MAF: variants seen among roughly 807,000 people sequenced by gnomAD.
MAF encodes transcription factor Maf.
Under a neutral mutation model 22.0 loss-of-function variants are expected in MAF, and 10 were observed. The ratio of observed to expected loss-of-function variants is 0.45; its 90% CI spans 0.28 to 0.77. The LOEUF (loss-of-function observed/expected upper bound fraction) is 0.77, where lower values mean the gene tolerates loss of function less well. Among genes scored for constraint, MAF ranks in the 30% least tolerant of loss-of-function variants. The pLI is 0.12. For synonymous variants in MAF, 337 were observed against 255.8 expected (o/e 1.32, Z -3.03); for missense variants, 544 against 548.4 (o/e 0.99, Z 0.08).
the MAF span, among the ~76,000 whole-genome samples, chr16:79,414,827 C>T: frequency 6.6e-5 from 10 of 152,290 alleles, no homozygotes; most frequent in South Asian, 1.7e-3. Context: ...TGCACATGCA[C>T]GTGATATCCA....
the MAF span, among the ~76,000 whole-genome samples, chr16:79,408,094 A>AAAC: frequency 1.9e-4 from 28 of 151,046 alleles, 2 homozygotes; most frequent in African/African-American, 6.8e-4. Context: ...AAAAAAAAAA[A>AAAC]AAAAAACCTA....
the MAF span, chr16:79,211,869 C>G: frequency 6.3e-7 from 1 of 1,595,642 alleles, no homozygotes; most frequent in South Asian, 1.1e-5. Flanking sequence ...AGGGCTGGGC[C>G]CCTTCCAAAT....
the MAF span, among the ~76,000 whole-genome samples, chr16:79,267,075 C>T: frequency 6.6e-6 from 1 of 152,178 alleles, no homozygotes; most frequent in Admixed American, 6.5e-5. Context: ...GTAATAATTG[C>T]TTATGCATGT....
the MAF span, among the ~76,000 whole-genome samples, chr16:79,209,461 G>A: frequency 2.0e-5 from 3 of 152,186 alleles, no homozygotes; most frequent in African/African-American, 7.2e-5. Flanking sequence ...ACAGTGAAAG[G>A]CCAGTCTGTC....
chr16:79,535,224 T>G, the MAF span, among the ~76,000 whole-genome samples: 1 of 152,136 alleles, frequency 6.6e-6, no homozygotes, highest in Non-Finnish European at 1.5e-5. Flanking sequence ...TAGAGACAGA[T>G]GTAGACATTG....
the MAF span, among the ~76,000 whole-genome samples, chr16:79,503,999 AG>A: frequency 1.0e-3 from 152 of 152,346 alleles, no homozygotes; most frequent in Admixed American, 3.5e-3. Context: ...GCAGGGGCTC[AG>A]TAAATATCCC....
In MAF at chr16:79,600,026, G is replaced by C. The variant is rs1325923327; in HGVS notation, c.-124C>G. ...TGCCGGGCTGGGGCGCTTCTAGCTTGCGCGGCGGTGGCTGGCCCGAAACCT... is the reference window on the plus strand; with the variant it reads ...TGCCGGGCTGGGGCGCTTCTAGCTTCCGCGGCGGTGGCTGGCCCGAAACCT... On this transcript the variant is annotated 5_prime_UTR_variant, in exon 1 of 2. Coordinates refer to ENST00000326043, the MANE Select transcript of MAF (RefSeq NM_005360.5). 1 of 1,385,738 alleles carries C rather than the reference G, an allele frequency of 7.2e-7. No homozygotes were observed. The highest frequency in any genetic ancestry group is 9.9e-7 in the Non-Finnish European group (1 of 1,015,094). The allele number at this position is 1,385,738 out of a possible 1,614,324, so 85.8% of individuals were successfully genotyped here.
At chr16:79,356,044 C>A in the MAF span, among the ~76,000 whole-genome samples, 1 of 152,168 alleles carries the variant, frequency 6.6e-6, no homozygotes, top group Non-Finnish European at 1.5e-5. Flanking sequence ...CATACACACA[C>A]GCACATGCAC....
chr16:79,371,897 G>A, the MAF span, among the ~76,000 whole-genome samples: 3 of 152,184 alleles, frequency 2.0e-5, no homozygotes, highest in Non-Finnish European at 2.9e-5. Context: ...CCTGTTGGTA[G>A]GTTATTCACT....
At chr16:79,587,780 T>C (rs556959783) in intron 1 of MAF, among the ~76,000 whole-genome samples, 1 of 151,422 alleles carries the variant, frequency 6.6e-6, no homozygotes, top group East Asian at 2.0e-4. Context: ...ATGTCCTTTT[T>C]AGATCATTGG....
the MAF span, among the ~76,000 whole-genome samples, chr16:79,325,202 G>A: frequency 8.5e-5 from 13 of 152,204 alleles, no homozygotes; most frequent in East Asian, 9.7e-4. Flanking sequence ...GGGGAACACC[G>A]TTCAATCCAC....
At chr16:79,513,842 G>A in the MAF span, among the ~76,000 whole-genome samples, 4 of 152,110 alleles carry the variant, frequency 2.6e-5, no homozygotes, top group South Asian at 2.1e-4. Flanking sequence ...CTTTTCCACC[G>A]GGTAGGCTGT....
chr16:79,562,201 C>G, the MAF span, among the ~76,000 whole-genome samples: 1 of 152,218 alleles, frequency 6.6e-6, no homozygotes, highest in Non-Finnish European at 1.5e-5. Flanking sequence ...TCACACCATT[C>G]TGTTCCCAGT....
the MAF span, among the ~76,000 whole-genome samples, chr16:79,557,175 T>TTTTTGTTTTA: frequency 8.9e-3 from 1,344 of 150,912 alleles, 30 homozygotes; most frequent in African/African-American, 0.029. Flanking sequence ...TAGTTTTTTT[T>TTTTTGTTTTA]ATTCAATTCC....
the MAF span, among the ~76,000 whole-genome samples, chr16:79,266,017 TTTCTTTTC>T: frequency 7.0e-6 from 1 of 142,246 alleles, no homozygotes; most frequent in African/African-American, 2.6e-5. Flanking sequence ...TCTCCTCTCC[TTTCTTTTC>T]TTCTTTTCTT....
At chr16:79,403,146 G>A in the MAF span, among the ~76,000 whole-genome samples, 2 of 152,122 alleles carry the variant, frequency 1.3e-5, no homozygotes, top group Non-Finnish European at 2.9e-5. Flanking sequence ...TGACATCATC[G>A]CATAATAGCC....
At chr16:79,206,674 T>A in the MAF span, 1 of 151,860 alleles carries the variant, frequency 6.6e-6, no homozygotes, top group Non-Finnish European at 1.5e-5. Context: ...TGTTCTCGTC[T>A]GCTGCTTCCC....
chr16:79,416,781 T>A, the MAF span, among the ~76,000 whole-genome samples: 1 of 152,160 alleles, frequency 6.6e-6, no homozygotes, highest in Non-Finnish European at 1.5e-5. Flanking sequence ...CTTGCTACCC[T>A]CTCCCTGTAG....
the MAF span, among the ~76,000 whole-genome samples, chr16:79,519,078 A>G: frequency 2.0e-5 from 3 of 152,180 alleles, no homozygotes; most frequent in African/African-American, 4.8e-5. Flanking sequence ...ATGCCTTGCA[A>G]TTATATTTCA....
Sources: gnomAD v4.1 joint callset for allele counts (sites outside exome capture counted in the v4.1 genomes callset) on GRCh38, gnomAD v4.1.1 for gene constraint, MANE v1.5 for transcripts, NCBI Gene and HGNC (gene_info 2026-07-23, HGNC 2026-07-21) for gene names.